ELAVL4: variants seen among roughly 807,000 people sequenced by gnomAD.
ELAVL4 encodes the protein ELAV-like protein 4.
ELAVL4 carries 1 observed loss-of-function variant against 35.6 expected under a neutral mutation model. The observed-to-expected ratio is 0.03, with a 90% CI of 0.01 to 0.13. The LOEUF (loss-of-function observed/expected upper bound fraction) is 0.13. ELAVL4 is among the 10% of genes least tolerant of loss of function. The pLI is 1.00. For missense variants in ELAVL4, 267 were observed against 464.9 expected, an observed-to-expected ratio of 0.57 and a Z score of 3.91; for synonymous variants, 156 against 171.0, an observed-to-expected ratio of 0.91 and a Z score of 0.69.
chr1:50,146,177 G>T (rs1395114212), intron 2 of ELAVL4, among the ~76,000 whole-genome samples: 1 of 151,268 alleles, frequency 6.6e-6, no homozygotes, highest in African/African-American at 2.4e-5. Context: ...TAAAAAGGAA[G>T]CTGCATCATT....
intron 1 of ELAVL4, among the ~76,000 whole-genome samples, chr1:50,129,096 T>C (rs528295043): frequency 2.6e-5 from 4 of 152,126 alleles, no homozygotes; most frequent in South Asian, 4.2e-4. Context: ...TATAAATTAT[T>C]ATAAAAAATT....
chr1:50,196,135 G>A (rs895498071), intron 5 of ELAVL4, among the ~76,000 whole-genome samples: 2 of 152,218 alleles, frequency 1.3e-5, no homozygotes, highest in African/African-American at 4.8e-5. Context: ...GCTGGACAGT[G>A]GCTTTTAATA....
intron 2 of ELAVL4, among the ~76,000 whole-genome samples, chr1:50,169,028 CATG>C (rs1678504867): frequency 6.6e-6 from 1 of 150,892 alleles, no homozygotes; most frequent in Non-Finnish European, 1.5e-5. Flanking sequence ...TGTTAACTTA[CATG>C]ATCACAGGGT....
At chr1:50,094,934 A>AC (rs1665657660) in intron 1 of ELAVL4, among the ~76,000 whole-genome samples, 1 of 152,036 alleles carries the variant, frequency 6.6e-6, no homozygotes, top group Non-Finnish European at 1.5e-5. Flanking sequence ...CATCTCAAAA[A>AC]TAAAAAAATA....
At position 50,144,803 on chromosome 1, in the gene ELAVL4, A is replaced by G. The variant is rs746485385; in HGVS notation, c.10-154A>G. ...GGAGTTTAACATTTTGGTTAAAAACATGCTTCTAAATTGGCTGTGTTCACA... is the reference window on the plus strand; with the variant it reads ...GGAGTTTAACATTTTGGTTAAAAACGTGCTTCTAAATTGGCTGTGTTCACA... On this transcript the variant is annotated intron_variant, in intron 1 of 6. Coordinates refer to ENST00000371824, the MANE Select transcript of ELAVL4 (RefSeq NM_001144774.3). 2.6e-6 allele frequency: 3 copies of G among 1,160,576 alleles called. No individual in the cohort carries two copies. The South Asian group carries it at 3.7e-5, about 14-fold the overall frequency. 71.9% of individuals were successfully genotyped at this position (1,160,576 alleles called of 1,614,324 possible).
At position 50,203,662 on chromosome 1, in the gene ELAVL4, A is replaced by G. The variant is rs1338182214; in HGVS notation, c.*2484A>G. 1.3e-5 allele frequency: 2 copies of G among 152,166 alleles called. No homozygotes were observed. Among genetic ancestry groups the G allele is most frequent in the Non-Finnish European group, 2.9e-5 (2 of 68,012 alleles). 9.4% of individuals were successfully genotyped at this position (152,166 alleles called of 1,614,324 possible). On this transcript the variant is annotated 3_prime_UTR_variant, in exon 7 of 7. Coordinates refer to ENST00000371824, the MANE Select transcript of ELAVL4 (RefSeq NM_001144774.3). Reference sequence around the variant, plus strand: ...GACTTCATGTTAATCTTGCTAGTTTAGATGATTTCCAAGGGAAAGTATTGT... The same window carrying G: ...GACTTCATGTTAATCTTGCTAGTTTGGATGATTTCCAAGGGAAAGTATTGT...
Position 50,098,368 on chromosome 1 carries a change from T to G in ELAVL4, c.19-46589T>G, listed in dbSNP as rs183896687. ...ATTAATGATAACTTGGTTAAAAAAA[T>G]GAAAAGTTATGTTTGTGAGTAATTT... On this transcript the variant is annotated intron_variant, in intron 1 of 6. Transcript: ENST00000448907. 3.6e-4 allele frequency among the ~76,000 whole-genome samples: 55 copies of G among 152,312 alleles called. 1 individual carries two copies. The South Asian group carries it at 8.7e-3, about 24-fold the overall frequency.
chr1:50,048,169 G>T (rs1207735927), exon 1 of ELAVL4: 11 of 1,521,822 alleles, frequency 7.2e-6, no homozygotes, highest in Non-Finnish European at 9.7e-6. Flanking sequence ...GGGAAGATGC[G>T]CCTCAAGAAC....
chr1:50,098,593 C>G (rs1158319370), intron 1 of ELAVL4, among the ~76,000 whole-genome samples: 1 of 152,166 alleles, frequency 6.6e-6, no homozygotes, highest in Non-Finnish European at 1.5e-5. Context: ...AGATGTGATC[C>G]TTTTCACAGA....
intron 1 of ELAVL4, among the ~76,000 whole-genome samples, chr1:50,083,071 T>C (rs1166732157): frequency 6.6e-6 from 1 of 152,180 alleles, no homozygotes; most frequent in African/African-American, 2.4e-5. Context: ...ACAGCCATTT[T>C]TTTAAGATAT....
intron 1 of ELAVL4, among the ~76,000 whole-genome samples, chr1:50,056,658 C>T (rs1435823424): frequency 1.3e-5 from 2 of 152,056 alleles, no homozygotes; most frequent in African/African-American, 2.4e-5. Flanking sequence ...GTACACCGGC[C>T]GGGTGAGGTG....
chr1:50,049,439 A>G (rs555787780), intron 1 of ELAVL4, among the ~76,000 whole-genome samples: 7 of 152,342 alleles, frequency 4.6e-5, no homozygotes, highest in African/African-American at 1.7e-4. Context: ...AGTGTTTTGT[A>G]AATGTGAGTG....
intron 1 of ELAVL4, among the ~76,000 whole-genome samples, chr1:50,097,494 C>T (rs1025149454): frequency 6.6e-6 from 1 of 152,130 alleles, no homozygotes; most frequent in Non-Finnish European, 1.5e-5. Flanking sequence ...CTTATTTACT[C>T]AAGAAGGTTC....
intron 2 of ELAVL4, among the ~76,000 whole-genome samples, chr1:50,166,642 G>A (rs1040280394): frequency 2.5e-4 from 38 of 152,184 alleles, no homozygotes; most frequent in Admixed American, 2.2e-3. Flanking sequence ...TGGGCCATTT[G>A]CAGTCCTGCC....
At chr1:50,079,067 C>T in intron 1 of ELAVL4, among the ~76,000 whole-genome samples, 1 of 152,118 alleles carries the variant, frequency 6.6e-6, no homozygotes, top group Non-Finnish European at 1.5e-5. Context: ...CTAAGATGTT[C>T]AGTTTCTGCA....
chr1:50,145,273 C>A, intron 2 of ELAVL4, 76 bp downstream of exon 2: 1 of 1,588,074 alleles, frequency 6.3e-7, no homozygotes, highest in Non-Finnish European at 8.6e-7. Context: ...TGTGATGGTG[C>A]ACCTGAATGT....
intron 1 of ELAVL4, chr1:50,109,757 A>G: frequency 4.6e-6 from 3 of 658,090 alleles, no homozygotes; most frequent in Non-Finnish European, 7.9e-6. Flanking sequence ...TGTATTTCAA[A>G]GAGTTTCCTG....
In ELAVL4 at chr1:50,138,826, A is replaced by G. The variant is rs138441159; in HGVS notation, c.10-6131A>G. Among the ~76,000 whole-genome samples, 9 of 152,258 alleles carry G rather than the reference A, an allele frequency of 5.9e-5. No individual in the cohort carries two copies. The East Asian group carries it at 1.5e-3, about 26-fold the overall frequency. The stretch of plus-strand genomic sequence containing the variant: ...GATGGAAAGTAGAATGGTAGTTGCC[A>G]GGAGCTGGGGAAAGTAGGGGAATGA... On this transcript the variant is annotated intron_variant, in intron 1 of 6. Coordinates refer to ENST00000371824, the MANE Select transcript of ELAVL4 (RefSeq NM_001144774.3).
At chr1:50,080,289 T>C (rs1332459660) in intron 1 of ELAVL4, among the ~76,000 whole-genome samples, 1 of 152,154 alleles carries the variant, frequency 6.6e-6, no homozygotes, top group Non-Finnish European at 1.5e-5. Flanking sequence ...TAGCAGAAGC[T>C]GACAACAGGA....
Sources: allele counts gnomAD v4.1 joint callset (sites outside exome capture counted in the v4.1 genomes callset), GRCh38; gene constraint gnomAD v4.1.1; transcripts MANE v1.5; gene names NCBI Gene and HGNC (gene_info 2026-07-23, HGNC 2026-07-21).